The following MARK3 variants were observed in gnomAD, a reference collection of about 807,000 sequenced individuals.
MARK3 encodes microtubule affinity regulating kinase 3, also known as MAP/microtubule affinity-regulating kinase 3.
A neutral mutation model predicts 90.1 loss-of-function variants in MARK3; 46 were observed. That is an observed-to-expected ratio of 0.51 (90% confidence interval 0.40 to 0.65). The LOEUF is 0.65. Ranked by LOEUF, MARK3 falls within the 30% of genes least tolerant of loss-of-function variation. The pLI is 0.00. For missense variants in MARK3, 818 were observed against 947.2 expected (o/e 0.86, Z 1.79); for synonymous variants, 321 against 332.6 (o/e 0.97, Z 0.38).
chr14:103,454,625 G>T (rs1445995653), intron 5 of MARK3, among the ~76,000 whole-genome samples: 1 of 152,172 alleles, frequency 6.6e-6, no homozygotes, highest in African/African-American at 2.4e-5. Flanking sequence ...GTTTGCCATT[G>T]TGAAAAGTTT....
chr14:103,498,078 A>T (rs975169974), intron 15 of MARK3, among the ~76,000 whole-genome samples: 2 of 152,128 alleles, frequency 1.3e-5, no homozygotes, highest in African/African-American at 4.8e-5. Context: ...TTAACTGGGC[A>T]TGGTGGCGCG....
intron 2 of MARK3, among the ~76,000 whole-genome samples, chr14:103,421,075 A>G (rs747403383): frequency 2.6e-5 from 4 of 152,332 alleles, no homozygotes; most frequent in Non-Finnish European, 4.4e-5. Flanking sequence ...AACTCTGGAC[A>G]GTTGAGTTTT....
At chr14:103,443,235 A>G (rs939497065) in intron 3 of MARK3, among the ~76,000 whole-genome samples, 1 of 151,498 alleles carries the variant, frequency 6.6e-6, no homozygotes, top group Admixed American at 6.6e-5. Context: ...CATATTGCCA[A>G]ACCTGGAATT....
At chr14:103,466,124 T>G (rs763921048) in intron 9 of MARK3, 33 bp downstream of exon 9, 2 of 1,610,368 alleles carry the variant, frequency 1.2e-6, no homozygotes, top group Non-Finnish European at 8.5e-7. Flanking sequence ...GCAGTAACTT[T>G]GGAGAGTCTT....
In MARK3 at chr14:103,462,481, T is replaced by G. The variant is rs958109198; in HGVS notation, c.540+20T>G. ...CTCAAGGTGAGTAGAAGTGCCTCACTCAGTGTATGCTCTGTCTGTTTGTGT... is the reference window on the plus strand; with the variant it reads ...CTCAAGGTGAGTAGAAGTGCCTCACGCAGTGTATGCTCTGTCTGTTTGTGT... On this transcript the variant is annotated intron_variant, in intron 7 of 17. Coordinates refer to ENST00000429436, the MANE Select transcript of MARK3 (RefSeq NM_001128918.3). 22 of 1,584,806 alleles carry G rather than the reference T, an allele frequency of 1.4e-5. No individual in the cohort carries two copies. Among genetic ancestry groups the G allele is most frequent in the Non-Finnish European group, 1.6e-5 (19 of 1,155,852 alleles).
intron 7 of MARK3, among the ~76,000 whole-genome samples, chr14:103,465,210 C>T (rs1430354508): frequency 2.0e-5 from 3 of 152,168 alleles, no homozygotes; most frequent in Admixed American, 6.5e-5. Context: ...TCAGATGATT[C>T]GTCCACCTCG....
intron 2 of MARK3, among the ~76,000 whole-genome samples, chr14:103,406,145 C>T (rs781154132): frequency 1.6e-4 from 24 of 151,988 alleles, no homozygotes; most frequent in Admixed American, 3.3e-4. Context: ...GTCCTCCTGC[C>T]TCAACCTCCC....
intron 14 of MARK3, among the ~76,000 whole-genome samples, chr14:103,486,606 G>A (rs2093933838): frequency 1.3e-5 from 2 of 151,914 alleles, no homozygotes; most frequent in African/African-American, 2.4e-5. Flanking sequence ...CTTTTCTGGG[G>A]GGAAATATTA....
intron 2 of MARK3, among the ~76,000 whole-genome samples, chr14:103,413,999 ACTC>A (rs1472701750): frequency 6.6e-6 from 1 of 152,032 alleles, no homozygotes; most frequent in Non-Finnish European, 1.5e-5. Context: ...TATGAATAGA[ACTC>A]CTGTACAGGT....
intron 16 of MARK3, chr14:103,498,735 A>G (rs1327900667): frequency 5.9e-6 from 2 of 341,710 alleles, no homozygotes; most frequent in East Asian, 5.9e-5. Context: ...TACCCATGCA[A>G]CAAAAGGCTG....
chr14:103,449,743 C>T (rs2093086266), intron 4 of MARK3, among the ~76,000 whole-genome samples: 2 of 152,100 alleles, frequency 1.3e-5, no homozygotes. Flanking sequence ...AACTTTTGAT[C>T]CCATATGCAT....
chr14:103,483,344 A>G (rs537325373), intron 14 of MARK3, among the ~76,000 whole-genome samples: 11 of 152,288 alleles, frequency 7.2e-5, no homozygotes, highest in African/African-American at 2.2e-4. Context: ...ATGAGTGTTC[A>G]TACGGAATTT....
At chr14:103,465,360 A>C (rs1225041147) in intron 7 of MARK3, among the ~76,000 whole-genome samples, 197 bp from the exon 8 acceptor site, 1 of 152,102 alleles carries the variant, frequency 6.6e-6, no homozygotes, top group Non-Finnish European at 1.5e-5. Context: ...TCTGTACTTC[A>C]TGTTTGTTAT....
chr14:103,492,131 T>G, intron 15 of MARK3, 97 bp downstream of exon 15: 1 of 1,381,884 alleles, frequency 7.2e-7, no homozygotes, highest in South Asian at 1.4e-5. Context: ...TGGATGCTTT[T>G]CAGTCTGCCT....
intron 6 of MARK3, among the ~76,000 whole-genome samples, chr14:103,459,022 C>A (rs575426463): frequency 6.6e-6 from 1 of 151,928 alleles, no homozygotes; most frequent in South Asian, 2.1e-4. Context: ...ATTGTATGGT[C>A]TATTAAAGGA....
intron 2 of MARK3, among the ~76,000 whole-genome samples, chr14:103,411,138 G>A (rs960895872): frequency 3.3e-5 from 5 of 152,018 alleles, no homozygotes; most frequent in Non-Finnish European, 4.4e-5. Flanking sequence ...GCTGGGCATG[G>A]TGGCGGGCGC....
chr14:103,406,203 CT>C (rs1173589276), intron 2 of MARK3, among the ~76,000 whole-genome samples: 3 of 146,570 alleles, frequency 2.0e-5, no homozygotes, highest in Admixed American at 1.4e-4. Flanking sequence ...ACTAATTAAG[CT>C]TTTTCTTTTT....
chr14:103,418,536 CT>C (rs2140929400), intron 2 of MARK3, among the ~76,000 whole-genome samples: 1 of 152,278 alleles, frequency 6.6e-6, no homozygotes, highest in East Asian at 1.9e-4. Flanking sequence ...TAAGAATCTT[CT>C]CTTCTGCCTG....
chr14:103,464,064 A>T (rs552976526), intron 7 of MARK3, among the ~76,000 whole-genome samples: 1 of 152,300 alleles, frequency 6.6e-6, no homozygotes, highest in African/African-American at 2.4e-5. Flanking sequence ...CTGGGAAGCC[A>T]TTCACACCTT....
Sources: gnomAD v4.1 joint callset for allele counts (sites outside exome capture counted in the v4.1 genomes callset) on GRCh38, gnomAD v4.1.1 for gene constraint, MANE v1.5 for transcripts, NCBI Gene and HGNC (gene_info 2026-07-23, HGNC 2026-07-21) for gene names.